The following SEM1 variants were observed in gnomAD, a reference collection of about 807,000 sequenced individuals.
The protein encoded by SEM1 is SEM1 26S proteasome subunit.
A neutral mutation model predicts 12.7 loss-of-function variants in SEM1; 3 were observed. The observed-to-expected ratio is 0.24, with a 90% CI of 0.11 to 0.61. The LOEUF is 0.61. SEM1 is among the 20% of genes least tolerant of loss of function. The pLI, the probability that SEM1 is intolerant of heterozygous loss-of-function variation, is 0.88. For missense variants in SEM1, 59 were observed against 81.3 expected, an observed-to-expected ratio of 0.73 and a Z score of 1.06; for synonymous variants, 30 against 27.8, an observed-to-expected ratio of 1.08 and a Z score of -0.25.
intron 2 of SEM1, among the ~76,000 whole-genome samples, chr7:96,581,758 T>G (rs1262274976): frequency 6.6e-6 from 1 of 151,892 alleles, no homozygotes; most frequent in Non-Finnish European, 1.5e-5. Context: ...TCACTCATGA[T>G]TTGGCTCTCT....
intron 2 of SEM1, among the ~76,000 whole-genome samples, chr7:96,626,505 G>T (rs1244336412): frequency 6.6e-6 from 1 of 151,806 alleles, no homozygotes; most frequent in East Asian, 1.9e-4. Context: ...CCAGTTTTTT[G>T]AATATTTTTT....
intron 2 of SEM1, among the ~76,000 whole-genome samples, chr7:96,597,692 TATAC>T (rs1369645728): frequency 1.6e-4 from 24 of 150,536 alleles, no homozygotes; most frequent in African/African-American, 4.6e-4. Context: ...TATATATATA[TATAC>T]ACACACACAC....
intron 2 of SEM1, among the ~76,000 whole-genome samples, chr7:96,507,833 C>T (rs1015462520): frequency 3.9e-5 from 6 of 151,972 alleles, no homozygotes; most frequent in Non-Finnish European, 5.9e-5. Context: ...CTTGAGAGGG[C>T]GTCTCAGAAT....
At chr7:96,700,006 C>A (rs574077338) in intron 1 of SEM1, among the ~76,000 whole-genome samples, 1 of 152,244 alleles carries the variant, frequency 6.6e-6, no homozygotes, top group Non-Finnish European at 1.5e-5. Flanking sequence ...TTAACTGTGA[C>A]CTTGGGTAAA....
At chr7:96,483,425 A>G (rs1802623221) in exon 4 of SEM1, 1 of 188,172 alleles carries the variant, frequency 5.3e-6, no homozygotes, top group Non-Finnish European at 1.1e-5. Flanking sequence ...AGGTTAGTCA[A>G]TAATAGTCAT....
At chr7:96,633,862 A>G (rs1406021527) in intron 2 of SEM1, among the ~76,000 whole-genome samples, 1 of 152,156 alleles carries the variant, frequency 6.6e-6, no homozygotes, top group Non-Finnish European at 1.5e-5. Context: ...TTTGCAGATG[A>G]TATAATAGAC....
chr7:96,701,956 G>C (rs1158792444), intron 1 of SEM1, among the ~76,000 whole-genome samples: 2 of 152,084 alleles, frequency 1.3e-5, no homozygotes, highest in African/African-American at 4.8e-5. Flanking sequence ...GGGCAGCATG[G>C]TGTGGCTGGT....
chr7:96,495,320 A>T (rs1029154860), intron 1 of SEM1, among the ~76,000 whole-genome samples: 10 of 152,112 alleles, frequency 6.6e-5, no homozygotes, highest in African/African-American at 2.4e-4. Flanking sequence ...AGGCATCTCT[A>T]CTTTCTGTTC....
At chr7:96,584,588 G>A (rs371018143) in intron 2 of SEM1, among the ~76,000 whole-genome samples, 41 of 151,508 alleles carry the variant, frequency 2.7e-4, no homozygotes, top group East Asian at 5.8e-4. Flanking sequence ...CATTCTCCCC[G>A]TCACTTTCAG....
intron 1 of SEM1, among the ~76,000 whole-genome samples, chr7:96,495,502 T>G (rs181016470): frequency 6.6e-6 from 1 of 152,258 alleles, no homozygotes; most frequent in Admixed American, 6.5e-5. Context: ...TTATGAAAGT[T>G]AAAATTTAAA....
chr7:96,621,854 T>C (rs1807902370), downstream of SEM1: 1 of 152,242 alleles, frequency 6.6e-6, no homozygotes, highest in African/African-American at 2.4e-5. Flanking sequence ...GCTAAATGTA[T>C]TGCTGATGTC....
At chr7:96,647,693 C>T (rs1319330596) in intron 2 of SEM1, among the ~76,000 whole-genome samples, 1 of 152,118 alleles carries the variant, frequency 6.6e-6, no homozygotes, top group East Asian at 1.9e-4. Flanking sequence ...CCCATGAACA[C>T]ATTGTAATTG....
intron 2 of SEM1, chr7:96,506,744 A>G (rs913869050): frequency 1.3e-5 from 2 of 152,132 alleles, no homozygotes; most frequent in African/African-American, 4.8e-5. Context: ...GAACTTGCAC[A>G]TATAATTGCA....
At chr7:96,580,032 A>C (rs1806338379) in intron 2 of SEM1, among the ~76,000 whole-genome samples, 1 of 150,900 alleles carries the variant, frequency 6.6e-6, no homozygotes, top group African/African-American at 2.4e-5. Context: ...GGTTAGTTAC[A>C]TATGTATACA....
chr7:96,600,861 T>G (rs1807177217), intron 2 of SEM1, among the ~76,000 whole-genome samples: 1 of 152,272 alleles, frequency 6.6e-6, no homozygotes, highest in Non-Finnish European at 1.5e-5. Flanking sequence ...GGAGCAAGTT[T>G]GGAGAGAGTA....
downstream of SEM1, among the ~76,000 whole-genome samples, chr7:96,671,513 G>A (rs976058616): frequency 1.3e-5 from 2 of 151,912 alleles, no homozygotes; most frequent in Non-Finnish European, 2.9e-5. Context: ...GAAACTTCAG[G>A]GTAGATAATT....
chr7:96,665,441 C>T (rs1789144947), intron 2 of SEM1, among the ~76,000 whole-genome samples: 1 of 152,100 alleles, frequency 6.6e-6, no homozygotes, highest in Admixed American at 6.6e-5. Flanking sequence ...AAGTTGATAA[C>T]TTAAAAAGCA....
At chr7:96,507,224 T>A (rs1803781347) in intron 2 of SEM1, among the ~76,000 whole-genome samples, 1 of 152,250 alleles carries the variant, frequency 6.6e-6, no homozygotes, top group Middle Eastern at 3.4e-3. Flanking sequence ...ATATATATAA[T>A]GTTTTCAAAT....
At chr7:96,491,943 C>T (rs1180253697) in intron 1 of SEM1, among the ~76,000 whole-genome samples, 1 of 152,186 alleles carries the variant, frequency 6.6e-6, no homozygotes, top group Non-Finnish European at 1.5e-5. Flanking sequence ...AGGCATACAG[C>T]TAGTAAGTGG....
Sources: gnomAD v4.1 joint callset for allele counts (sites outside exome capture counted in the v4.1 genomes callset) on GRCh38, gnomAD v4.1.1 for gene constraint, MANE v1.5 for transcripts, NCBI Gene and HGNC (gene_info 2026-07-23, HGNC 2026-07-21) for gene names.